The following SULT1C3 variants were observed in gnomAD, a reference collection of about 807,000 sequenced individuals.
SULT1C3 encodes the protein sulfotransferase 1C3.
SULT1C3 carries 31 observed loss-of-function variants against 28.4 expected under a neutral mutation model. The observed-to-expected ratio is 1.09, with a 90% CI of 0.82 to 1.47. The LOEUF (loss-of-function observed/expected upper bound fraction) is 1.47. SULT1C3 is among the 40% of genes most tolerant of loss of function. SULT1C3 has a pLI of 0.00. For missense variants in SULT1C3, 307 were observed against 272.5 expected, an observed-to-expected ratio of 1.13 and a Z score of -0.89; for synonymous variants, 106 against 92.2, an observed-to-expected ratio of 1.15 and a Z score of -0.86.
Position 108,253,355 on chromosome 2 carries a change from C to T in SULT1C3, c.312C>T (p.Phe104=), listed in dbSNP as rs778210913. Reference sequence around the variant, plus strand: ...ATTGTTTCTTGCTAGATTTGGAGTTCGTTCTTGAAATGTCCTCACCACAAC... The same window carrying T: ...ATTGTTTCTTGCTAGATTTGGAGTTTGTTCTTGAAATGTCCTCACCACAAC... The part of the protein sequence containing the change: ...FPHKEKPDLE[F]VLEMSSPQLI... The change falls in exon 4 of 8, where the codon TTC becomes TTT. Residue 104 remains phenylalanine, a synonymous_variant. Coordinates refer to ENST00000681802, the MANE Select transcript of SULT1C3 (RefSeq NM_001320878.2). 2.8e-5 allele frequency: 43 copies of T among 1,536,174 alleles called. No individual in the cohort carries two copies. The highest frequency in any genetic ancestry group is 9.2e-5 in the East Asian group (4 of 43,598).
chr2:108,253,510 T>C, intron 4 of SULT1C3, 68 bp downstream of exon 4: 1 of 789,076 alleles, frequency 1.3e-6, no homozygotes, highest in East Asian at 3.0e-5. Context: ...GAAGATATCT[T>C]TCAAAATAAT....
intron 5 of SULT1C3, among the ~76,000 whole-genome samples, chr2:108,257,997 T>G (rs1158878390): frequency 6.6e-6 from 1 of 152,088 alleles, no homozygotes. Context: ...ACTTGCTCAC[T>G]TGGTCTGTGG....
intron 2 of SULT1C3, among the ~76,000 whole-genome samples, chr2:108,250,324 C>T (rs899619915): frequency 2.0e-5 from 3 of 151,908 alleles, no homozygotes; most frequent in African/African-American, 7.2e-5. Context: ...AGATATTCAA[C>T]ATCATTTATC....
chr2:108,241,134 G>A (rs1417196865), intron 1 of SULT1C3, among the ~76,000 whole-genome samples: 1 of 152,228 alleles, frequency 6.6e-6, no homozygotes, highest in Admixed American at 6.5e-5. Context: ...GCCACACTGT[G>A]TAGACAAGGT....
At chr2:108,244,853 G>T (rs1265942170) in intron 1 of SULT1C3, among the ~76,000 whole-genome samples, 1 of 152,146 alleles carries the variant, frequency 6.6e-6, no homozygotes, top group Non-Finnish European at 1.5e-5. Context: ...TGCTAAAAGA[G>T]CTGGGTTGAT....
intron 7 of SULT1C3, among the ~76,000 whole-genome samples, chr2:108,260,352 T>C (rs1675990441): frequency 6.6e-6 from 1 of 151,992 alleles, no homozygotes; most frequent in African/African-American, 2.4e-5. Context: ...CTGCAGCATT[T>C]GAGGAAGGAG....
At chr2:108,242,873 A>C (rs1364714462) in intron 1 of SULT1C3, among the ~76,000 whole-genome samples, 1 of 152,214 alleles carries the variant, frequency 6.6e-6, no homozygotes, top group Admixed American at 6.5e-5. Context: ...GACAAAAAAT[A>C]GAGAAAAATA....
chr2:108,258,879 G>A (rs1400844740), intron 6 of SULT1C3, 51 bp downstream of exon 6: 8 of 1,416,454 alleles, frequency 5.6e-6, no homozygotes, highest in Non-Finnish European at 7.9e-6. Context: ...TCCTGACAAT[G>A]TTATTCTGTT....
At chr2:108,261,966 G>A (rs1239495079), downstream of SULT1C3, among the ~76,000 whole-genome samples, 1 of 152,122 alleles carries the variant, frequency 6.6e-6, no homozygotes, top group Non-Finnish European at 1.5e-5. Flanking sequence ...GAAGCAGAGA[G>A]GATGAAGATG....
At chr2:108,258,007 G>A (rs545750934) in intron 5 of SULT1C3, among the ~76,000 whole-genome samples, 1 of 152,112 alleles carries the variant, frequency 6.6e-6, no homozygotes, top group African/African-American at 2.4e-5. Flanking sequence ...TTGGTCTGTG[G>A]TCATTTTCCT....
chr2:108,253,471 C>G, intron 4 of SULT1C3, 29 bp downstream of exon 4: 1 of 1,238,534 alleles, frequency 8.1e-7, no homozygotes, highest in Non-Finnish European at 1.1e-6. Flanking sequence ...TCAAACTTCT[C>G]TTAGCTTGGT....
At chr2:108,242,328 T>A (rs1675479672) in intron 1 of SULT1C3, among the ~76,000 whole-genome samples, 1 of 152,228 alleles carries the variant, frequency 6.6e-6, no homozygotes, top group Non-Finnish European at 1.5e-5. Flanking sequence ...GACAGAAGAT[T>A]CAGCACTTGT....
rs1675950525 is a variant in SULT1C3 at position 108,259,080 on chromosome 2, A to G, written c.736A>G (p.Met246Val). 1.6e-6 allele frequency: 1 copy of G among 631,928 alleles called. No homozygotes were observed. The highest frequency in any genetic ancestry group is 2.9e-6 in the Non-Finnish European group (1 of 343,772). The allele number at this position is 631,928 out of a possible 1,614,324, so 39.1% of individuals were successfully genotyped here. ...TSFDVMKDNP[M>V]ANHTAVPAHI... ...ATTTGATGTAATGAAGGATAATCCCATGGCCAACCATACTGCGGTACCTGC... is the reference window on the plus strand; with the variant it reads ...ATTTGATGTAATGAAGGATAATCCCGTGGCCAACCATACTGCGGTACCTGC... Residue 246 changes from methionine to valine, a missense_variant, in exon 7 of 8, where the codon ATG (methionine) becomes GTG (valine). Physicochemically the swap from Met to Val is conservative, Grantham distance 21 (BLOSUM62 1). Transcript: ENST00000681802.
chr2:108,260,099 T>A lies in SULT1C3; in HGVS notation c.803-469T>A, dbSNP rs546039687. On this transcript the variant is annotated intron_variant, in intron 7 of 7. Coordinates refer to ENST00000681802, the MANE Select transcript of SULT1C3 (RefSeq NM_001320878.2). ...ACAAGGTACAACAGTTTGCAGAAGATCCCTAGTATCCAAATGTCATTTCCA... is the reference window on the plus strand; with the variant it reads ...ACAAGGTACAACAGTTTGCAGAAGAACCCTAGTATCCAAATGTCATTTCCA... 6.6e-5 allele frequency among the ~76,000 whole-genome samples: 10 copies of A among 152,242 alleles called. No individual in the cohort carries two copies. The East Asian group carries it at 1.5e-3, about 24-fold the overall frequency.
At position 108,255,865 on chromosome 2, in the gene SULT1C3, G is replaced by C. The variant is rs887651726; in HGVS notation, c.526+167G>C. 3.5e-4 allele frequency among the ~76,000 whole-genome samples: 53 copies of C among 152,014 alleles called. 1 individual carries two copies. The highest frequency in any genetic ancestry group is 1.3e-3 in the African/African-American group (52 of 41,404). On this transcript the variant is annotated intron_variant, in intron 5 of 7. Coordinates refer to ENST00000681802, the MANE Select transcript of SULT1C3 (RefSeq NM_001320878.2). The stretch of plus-strand genomic sequence containing the variant: ...GTAGAAGAGGTATTTTTCCAAAATT[G>C]AGTACAAATGTAAATTGAGGTCAAC...
downstream of SULT1C3, chr2:108,265,273 G>T (rs1676108542): frequency 6.2e-7 from 1 of 1,613,744 alleles, no homozygotes; most frequent in Non-Finnish European, 8.5e-7. Context: ...ATTTTACTGT[G>T]GCCCAAAATG....
intron 3 of SULT1C3, 84 bp from the exon 4 acceptor site, chr2:108,253,261 T>A (rs1675778502): frequency 1.2e-6 from 1 of 865,336 alleles, no homozygotes; most frequent in African/African-American, 1.7e-5. Context: ...ATATAATCAC[T>A]CTACAGACAA....
intron 4 of SULT1C3, 88 bp from the exon 5 acceptor site, chr2:108,255,484 G>C (rs996064997): frequency 1.9e-5 from 27 of 1,442,818 alleles, no homozygotes; most frequent in Non-Finnish European, 2.5e-5. Flanking sequence ...TATAGGATAT[G>C]GTTACCATTG....
At chr2:108,244,128 T>G (rs932470532) in intron 1 of SULT1C3, among the ~76,000 whole-genome samples, 1 of 137,194 alleles carries the variant, frequency 7.3e-6, no homozygotes, top group African/African-American at 2.7e-5. Context: ...CAGCTTAAGA[T>G]CAACAAAAAT....
Sources: allele counts gnomAD v4.1 joint callset (sites outside exome capture counted in the v4.1 genomes callset), GRCh38; gene constraint gnomAD v4.1.1; transcripts MANE v1.5; gene names NCBI Gene and HGNC (gene_info 2026-07-23, HGNC 2026-07-21).